Variants in CELF2 observed in about 807,000 individuals in gnomAD.
The protein encoded by CELF2 is CUGBP Elav-like family member 2.
A neutral mutation model predicts 62.6 loss-of-function variants in CELF2; 8 were observed. That is an observed-to-expected ratio of 0.13 (90% CI 0.07 to 0.23). CELF2 has a LOEUF of 0.23. Among genes scored for constraint, CELF2 ranks in the 10% least tolerant of loss-of-function variants. The probability of loss-of-function intolerance (pLI) is 1.00; values close to 1 mark genes in which losing one functional copy is unlikely to be tolerated. For synonymous variants in CELF2, 258 were observed against 250.0 expected, an observed-to-expected ratio of 1.03 and a Z score of -0.30; for missense variants, 333 against 671.0, an observed-to-expected ratio of 0.50 and a Z score of 5.56.
chr10:10,912,020 C>A (rs2134392773), intron 1 of CELF2, among the ~76,000 whole-genome samples: 1 of 152,356 alleles, frequency 6.6e-6, no homozygotes, highest in East Asian at 1.9e-4. Flanking sequence ...ACAGGCTGCC[C>A]TTCTTTTCTC....
At chr10:11,025,467 G>A (rs1056832044) in intron 1 of CELF2, among the ~76,000 whole-genome samples, 1 of 151,996 alleles carries the variant, frequency 6.6e-6, no homozygotes, top group East Asian at 1.9e-4. Context: ...TTCCCCCTTC[G>A]TTCAACGCTT....
rs2062831561 is a variant in CELF2 at position 11,046,287 on chromosome 10, A to G, written c.74+28124A>G. Among the ~76,000 whole-genome samples the G allele has an allele frequency of 1.3e-5, 2 of 152,184 alleles. No homozygotes were observed. Among genetic ancestry groups the G allele is most frequent in the South Asian group, 4.1e-4 (2 of 4,830 alleles). ...GAATTTGCATCTCTAACGAGTTCCC[A>G]GGTGATTGTGATGCCCGTGTCAATG... On this transcript the variant is annotated intron_variant, in intron 1 of 12. Transcript: ENST00000633077. This position sits in a 1 kb window ranked among gnomAD's most constrained non-coding sequence, Gnocchi z 4.6.
chr10:10,959,290 TA>T (rs1366529710), intron 2 of CELF2, among the ~76,000 whole-genome samples: 1 of 152,034 alleles, frequency 6.6e-6, no homozygotes. Flanking sequence ...CAGAGAAAAA[TA>T]AAAAAGTCTT....
chr10:10,679,741 C>A, the CELF2 span, among the ~76,000 whole-genome samples: 1 of 152,152 alleles, frequency 6.6e-6, no homozygotes, highest in Admixed American at 6.5e-5. Flanking sequence ...ACTTATATTA[C>A]TCTTTTAAAT....
At chr10:10,994,344 A>T (rs940250070) in intron 2 of CELF2, among the ~76,000 whole-genome samples, 4 of 152,184 alleles carry the variant, frequency 2.6e-5, no homozygotes, top group Non-Finnish European at 5.9e-5. Context: ...TCACTTTCTC[A>T]TTGATGTATT....
chr10:10,716,520 G>A, the CELF2 span, among the ~76,000 whole-genome samples: 1 of 152,258 alleles, frequency 6.6e-6, no homozygotes, highest in East Asian at 1.9e-4. Context: ...CAGCGTGGGT[G>A]ATAAAGCAAG....
intron 9 of CELF2, among the ~76,000 whole-genome samples, chr10:11,289,349 C>T (rs761191641): frequency 5.9e-5 from 9 of 152,094 alleles, no homozygotes; most frequent in African/African-American, 1.9e-4. Context: ...CTATCAGCTG[C>T]GCCCCAAGGA....
chr10:10,821,540 T>A (rs1338496693), intron 1 of CELF2, among the ~76,000 whole-genome samples: 1 of 152,240 alleles, frequency 6.6e-6, no homozygotes, highest in Non-Finnish European at 1.5e-5. Context: ...TCCGCCTGAC[T>A]TGAGGCCTCC....
chr10:10,688,112 G>A, the CELF2 span, among the ~76,000 whole-genome samples: 1 of 152,214 alleles, frequency 6.6e-6, no homozygotes, highest in East Asian at 1.9e-4. Context: ...GTTATAGTCA[G>A]TCTGGAGTTT....
intron 1 of CELF2, among the ~76,000 whole-genome samples, chr10:11,020,383 G>A (rs1287710873): frequency 1.3e-5 from 2 of 152,058 alleles, no homozygotes; most frequent in African/African-American, 2.4e-5. Context: ...TTTATATATC[G>A]TTCATAATTA....
At chr10:11,212,150 C>G (rs1179922683) in intron 2 of CELF2, among the ~76,000 whole-genome samples, 1 of 152,172 alleles carries the variant, frequency 6.6e-6, no homozygotes, top group African/African-American at 2.4e-5. Context: ...AACTGTATTG[C>G]TAAACTTACC....
the CELF2 span, among the ~76,000 whole-genome samples, chr10:10,576,170 T>C: frequency 6.6e-6 from 1 of 152,094 alleles, no homozygotes; most frequent in African/African-American, 2.4e-5. Context: ...CTCATCCCTC[T>C]AGGGAGCTAG....
intron 1 of CELF2, among the ~76,000 whole-genome samples, chr10:11,094,510 A>G (rs886413169): frequency 2.0e-5 from 3 of 152,182 alleles, no homozygotes; most frequent in Admixed American, 6.5e-5. Flanking sequence ...ATGTTTTCCA[A>G]CCTTCTCATA....
chr10:11,084,701 T>C (rs1365508459), intron 1 of CELF2, among the ~76,000 whole-genome samples: 2 of 152,098 alleles, frequency 1.3e-5, no homozygotes, highest in Non-Finnish European at 2.9e-5. Flanking sequence ...GATATAGAAT[T>C]CTAAGATTTT....
At chr10:11,004,527 T>C (rs753026055), upstream of CELF2, among the ~76,000 whole-genome samples, 1 of 152,120 alleles carries the variant, frequency 6.6e-6, no homozygotes, top group Admixed American at 6.6e-5. The surrounding 1 kb of genome is among the most constrained non-coding windows in gnomAD (Gnocchi z 5.0). Context: ...CCTGGTTAAC[T>C]GTACATGCGA....
In CELF2 at chr10:10,974,507, T is replaced by TA. The variant is rs1003311919; in HGVS notation, c.89+54514dup. Reference sequence around the variant, plus strand: ...AGCCTCATTTGAGTCTCTTACATAATAAAAAATCTATGAAATGTAATTGAT... The same window carrying TA: ...AGCCTCATTTGAGTCTCTTACATAATAAAAAAATCTATGAAATGTAATTGAT... On this transcript the variant is annotated intron_variant, in intron 2 of 13. Coordinates refer to the CELF2 transcript ENST00000636488. Among the ~76,000 whole-genome samples the TA allele has an allele frequency of 1.2e-4, 18 of 152,242 alleles. No individual in the cohort carries two copies. The South Asian group carries it at 1.9e-3, about 16-fold the overall frequency.
intron 1 of CELF2, among the ~76,000 whole-genome samples, chr10:11,041,985 G>A (rs1247305783): frequency 6.6e-6 from 1 of 152,152 alleles, no homozygotes; most frequent in Non-Finnish European, 1.5e-5. Flanking sequence ...ACCCATTGGG[G>A]GCATAATTAT....
chr10:10,966,245 A>G (rs1450408641), intron 2 of CELF2, among the ~76,000 whole-genome samples: 1 of 152,002 alleles, frequency 6.6e-6, no homozygotes, highest in Non-Finnish European at 1.5e-5. Context: ...CACTCACACA[A>G]CCCCTTTGCC....
At chr10:11,044,018 T>A (rs1474005817) in intron 1 of CELF2, among the ~76,000 whole-genome samples, 5 of 152,172 alleles carry the variant, frequency 3.3e-5, no homozygotes, top group African/African-American at 1.2e-4. Flanking sequence ...CTCGCTCTTC[T>A]CTCTGCCCTG....
Sources: gnomAD v4.1 joint callset for allele counts (sites outside exome capture counted in the v4.1 genomes callset) on GRCh38, gnomAD v4.1.1 for gene constraint, Gnocchi (gnomAD v3.1) non-coding constraint, MANE v1.5 for transcripts, NCBI Gene and HGNC (gene_info 2026-07-23, HGNC 2026-07-21) for gene names.